The following EPB41L3 variants were observed in gnomAD, a reference collection of about 807,000 sequenced individuals.
EPB41L3 encodes the protein erythrocyte membrane protein band 4.1 like 3, also known as band 4.1-like protein 3.
A neutral mutation model predicts 127.1 loss-of-function variants in EPB41L3; 57 were observed. The ratio of observed to expected loss-of-function variants is 0.45; its 90% CI spans 0.36 to 0.56. EPB41L3 has a LOEUF of 0.56. EPB41L3 is among the 20% of genes least tolerant of loss of function. The pLI is 0.00. For synonymous variants in EPB41L3, 572 were observed against 549.5 expected (o/e 1.04, Z -0.57); for missense variants, 1,273 against 1,372.2 (o/e 0.93, Z 1.14).
chr18:5,492,175 C>A (rs1470142044), intron 1 of EPB41L3, among the ~76,000 whole-genome samples: 1 of 152,022 alleles, frequency 6.6e-6, no homozygotes, highest in African/African-American at 2.4e-5. Context: ...CAAAAATTAA[C>A]CAGGCGTGGT....
intron 13 of EPB41L3, among the ~76,000 whole-genome samples, chr18:5,411,350 T>C (rs912679413): frequency 1.3e-5 from 2 of 152,140 alleles, no homozygotes; most frequent in Non-Finnish European, 2.9e-5. Context: ...AAAAATACCA[T>C]TCAAATGAAG....
At chr18:5,505,282 C>A (rs758527509) in intron 1 of EPB41L3, among the ~76,000 whole-genome samples, 1 of 152,122 alleles carries the variant, frequency 6.6e-6, no homozygotes, top group African/African-American at 2.4e-5. Context: ...CAGAGTCTGA[C>A]GCCAAAGAAA....
intron 1 of EPB41L3, among the ~76,000 whole-genome samples, chr18:5,506,185 G>T (rs539433717): frequency 6.5e-4 from 99 of 152,146 alleles, no homozygotes; most frequent in Non-Finnish European, 1.3e-3. Context: ...TGCACTCTCT[G>T]TACTGTGTTT....
At chr18:5,509,293 T>C (rs1166584727) in intron 1 of EPB41L3, among the ~76,000 whole-genome samples, 1 of 152,120 alleles carries the variant, frequency 6.6e-6, no homozygotes, top group Non-Finnish European at 1.5e-5. Flanking sequence ...GAGTATTCAT[T>C]TTCTTGAGTT....
intron 2 of EPB41L3, among the ~76,000 whole-genome samples, chr18:5,481,604 G>C (rs12967064): frequency 0.23 from 34,809 of 152,144 alleles, 4,874 homozygotes; most frequent in East Asian, 0.44. Context: ...CCCGAGGACA[G>C]GCGGAGAAAA....
At chr18:5,537,846 AT>A (rs1432421899) in intron 1 of EPB41L3, among the ~76,000 whole-genome samples, 1 of 152,200 alleles carries the variant, frequency 6.6e-6, no homozygotes, top group Non-Finnish European at 1.5e-5. Flanking sequence ...TTTTCAATAG[AT>A]TTTCCCTATA....
chr18:5,529,920 A>G, intron 1 of EPB41L3, among the ~76,000 whole-genome samples: 1 of 123,948 alleles, frequency 8.1e-6, no homozygotes, highest in African/African-American at 3.3e-5. Context: ...CCCACCATCA[A>G]CTCATATATG....
intron 1 of EPB41L3, among the ~76,000 whole-genome samples, chr18:5,508,943 T>G (rs1434313651): frequency 6.6e-6 from 1 of 152,156 alleles, no homozygotes; most frequent in African/African-American, 2.4e-5. Flanking sequence ...AGATTTCTAA[T>G]CAATGCCATC....
rs745587598 is a variant in EPB41L3, at chr18:5,406,808, G to T, written c.2318C>A (p.Ala773Asp). The T allele has an allele frequency of 1.2e-6, 2 of 1,614,138 alleles. No individual in the cohort carries two copies. Among genetic ancestry groups the T allele is most frequent in the Non-Finnish European group, 1.7e-6 (2 of 1,179,998 alleles). ...AGGGACAAGTGGTTCGATCATGGGG[G>T]CATCCTCCTGCCTGGCGGCCAGTCG... is the stretch of plus-strand genomic sequence containing the variant. Reference protein sequence around the residue: ...PVRLAARQEDAPMIEPLVPEE... With the variant: ...PVRLAARQEDDPMIEPLVPEE... Residue 773 changes from alanine to aspartate, a missense_variant, in exon 16 of 23, where the codon GCC (alanine) becomes GAC (aspartate). Physicochemically the swap from Ala to Asp is moderately radical, Grantham distance 126 (BLOSUM62 -2). Coordinates refer to ENST00000341928, the MANE Select transcript of EPB41L3 (RefSeq NM_012307.5).
rs182341090 is a variant in EPB41L3 at position 5,571,665 on chromosome 18, G to T, written c.-306+40675C>A. Among the ~76,000 whole-genome samples, 131 of 152,312 alleles carry T rather than the reference G, an allele frequency of 8.6e-4. 1 individual carries two copies. The highest frequency in any genetic ancestry group is 2.9e-3 in the African/African-American group (121 of 41,560). On this transcript the variant is annotated intron_variant, in intron 3 of 21. Transcript: ENST00000545076. ...GGATCCAGAGTTATTTTTGGAGAAA[G>T]ATTTTTATCCCTGCTGGTTGATCCT...
At chr18:5,410,143 T>C (rs1317992792) in intron 14 of EPB41L3, among the ~76,000 whole-genome samples, 1 of 152,094 alleles carries the variant, frequency 6.6e-6, no homozygotes, top group Non-Finnish European at 1.5e-5. Context: ...GCCAAAATAC[T>C]AGTTAATTGT....
chr18:5,418,179 A>G (rs1382019311), intron 12 of EPB41L3, among the ~76,000 whole-genome samples: 1 of 152,190 alleles, frequency 6.6e-6, no homozygotes, highest in East Asian at 1.9e-4. Context: ...TCAGCTACAG[A>G]CTTCCTGAAG....
Position 5,397,939 on chromosome 18 carries a change from CCA to C in EPB41L3, c.2472+80_2472+81del. The C allele has an allele frequency of 2.6e-6, 4 of 1,568,596 alleles. No homozygotes were observed. Among genetic ancestry groups the C allele is most frequent in the Non-Finnish European group, 3.5e-6 (4 of 1,145,798 alleles). ...TGAAGGCAAAGCCAGCTGGATGCAA[CCA>C]CACACTCACGCCCAAAAAAAGGGTA... On this transcript the variant is annotated intron_variant, in intron 17 of 22. Coordinates refer to ENST00000341928, the MANE Select transcript of EPB41L3 (RefSeq NM_012307.5). The surrounding 1 kb of genome is among the most constrained non-coding windows in gnomAD (Gnocchi z 4.1).
chr18:5,625,343 A>G (rs2094911157), intron 1 of EPB41L3, among the ~76,000 whole-genome samples: 1 of 151,952 alleles, frequency 6.6e-6, no homozygotes, highest in African/African-American at 2.4e-5. Flanking sequence ...AGGAAGTGGC[A>G]GTGGGAGTTA....
chr18:5,576,977 G>A (rs1231035954), intron 3 of EPB41L3, among the ~76,000 whole-genome samples: 1 of 138,192 alleles, frequency 7.2e-6, no homozygotes, highest in Non-Finnish European at 1.6e-5. Flanking sequence ...TGTCCCCAGA[G>A]CAAAGACTTT....
At chr18:5,618,601 C>T (rs72870317) in intron 1 of EPB41L3, among the ~76,000 whole-genome samples, 4 of 152,250 alleles carry the variant, frequency 2.6e-5, no homozygotes, top group Non-Finnish European at 5.9e-5. Flanking sequence ...TGCTCCTTCT[C>T]ATATCATGTG....
At chr18:5,399,168 A>G in intron 16 of EPB41L3, 1 of 399,064 alleles carries the variant, frequency 2.5e-6, no homozygotes. Flanking sequence ...GGATTTTCCT[A>G]GAGTGTATAT....
At chr18:5,507,207 A>G (rs980199839) in intron 1 of EPB41L3, among the ~76,000 whole-genome samples, 1 of 152,142 alleles carries the variant, frequency 6.6e-6, no homozygotes, top group African/African-American at 2.4e-5. Context: ...ACTAAAGAGA[A>G]CACATTAAAA....
At chr18:5,471,912 A>T (rs1229880074) in intron 3 of EPB41L3, among the ~76,000 whole-genome samples, 5 of 152,186 alleles carry the variant, frequency 3.3e-5, no homozygotes, top group African/African-American at 4.8e-5. Flanking sequence ...AGAATGCCTT[A>T]GTGGATTTTA....
Sources: allele counts gnomAD v4.1 joint callset (sites outside exome capture counted in the v4.1 genomes callset), GRCh38; gene constraint gnomAD v4.1.1; non-coding constraint Gnocchi (gnomAD v3.1); transcripts MANE v1.5; gene names NCBI Gene and HGNC (gene_info 2026-07-23, HGNC 2026-07-21).